MET: variants seen among roughly 807,000 people sequenced by gnomAD.
The protein encoded by MET is MET proto-oncogene, receptor tyrosine kinase, also known as hepatocyte growth factor receptor.
A neutral mutation model predicts 133.1 loss-of-function variants in MET; 48 were observed. The observed-to-expected ratio is 0.36, with a 90% confidence interval of 0.29 to 0.46. The LOEUF (loss-of-function observed/expected upper bound fraction) is 0.46. Among genes scored for constraint, MET ranks in the 20% least tolerant of loss-of-function variants. The pLI, the probability that MET is intolerant of heterozygous loss-of-function variation, is 1.00. For missense variants in MET, 1,442 were observed against 1,695.9 expected (o/e 0.85, Z 2.63); for synonymous variants, 628 against 616.5 (o/e 1.02, Z -0.28).
At chr7:116,724,418 T>C (rs1228138895) in intron 2 of MET, among the ~76,000 whole-genome samples, 2 of 152,182 alleles carry the variant, frequency 1.3e-5, no homozygotes, top group Non-Finnish European at 2.9e-5. Flanking sequence ...AATGCAGAAA[T>C]CACCCGTCTT....
intron 15 of MET, among the ~76,000 whole-genome samples, chr7:116,775,566 C>T (rs1466876676): frequency 1.3e-5 from 2 of 151,984 alleles, no homozygotes; most frequent in African/African-American, 2.4e-5. Context: ...ATTAGCCAGG[C>T]GTGGTGGCGG....
At chr7:116,678,735 G>GT (rs1796246903) in intron 1 of MET, among the ~76,000 whole-genome samples, 1 of 151,368 alleles carries the variant, frequency 6.6e-6, no homozygotes, top group Admixed American at 6.6e-5. Context: ...TGGGACCAGA[G>GT]TGTATCTAGA....
chr7:116,719,209 A>G (rs1792377180), intron 2 of MET, among the ~76,000 whole-genome samples: 1 of 142,232 alleles, frequency 7.0e-6, no homozygotes, highest in Non-Finnish European at 1.5e-5. Context: ...ATGGTATCTC[A>G]TTGTGGTTTT....
chr7:116,786,699 T>C (rs561185197), intron 19 of MET, among the ~76,000 whole-genome samples: 1 of 152,330 alleles, frequency 6.6e-6, no homozygotes, highest in East Asian at 1.9e-4. Context: ...AGGACTGTGA[T>C]GTCTGAAGAT....
chr7:116,774,734 G>T, intron 14 of MET, 147 bp from the exon 15 acceptor site: 1 of 660,084 alleles, frequency 1.5e-6, no homozygotes, highest in East Asian at 2.7e-5. Context: ...AACATCTAAT[G>T]AAATGCTTGT....
rs755804127 is a variant in MET, at chr7:116,699,615, G to A, written c.531G>A (p.Val177=). The A allele has an allele frequency of 1.9e-6, 3 of 1,613,870 alleles. No individual in the cohort carries two copies. Among genetic ancestry groups the A allele is most frequent in the African/African-American group, 2.7e-5 (2 of 74,892 alleles). ...CCAGCCAGTGTCCTGACTGTGTGGT[G>A]AGCGCCCTGGGAGCCAAAGTCCTTT... ...EEPSQCPDCV[V]SALGAKVLSS... is the part of the protein sequence containing the mutation. The change falls in exon 2 of 21, where the codon GTG becomes GTA. Residue 177 remains valine, a synonymous_variant. Coordinates refer to ENST00000397752, the MANE Select transcript of MET (RefSeq NM_000245.4).
chr7:116,763,266 A>G lies in MET; in HGVS notation c.2581A>G (p.Lys861Glu). The change falls in exon 11 of 21, where the codon AAG (lysine) becomes GAG (glutamate). Residue 861 changes from lysine (K) to glutamate (E), a missense_variant and splice_region_variant. Coordinates refer to ENST00000397752, the MANE Select transcript of MET (RefSeq NM_000245.4). Reference protein sequence around the residue: ...SMGNENVLEIKGNDIDPEAVK... With the variant: ...SMGNENVLEIEGNDIDPEAVK... ...GGGCAATGAAAATGTACTGGAAATT[A>G]AGGTAAGAAATGCTTTAAACACTGT... 6.2e-7 allele frequency: 1 copy of G among 1,613,150 alleles called. No individual in the cohort carries two copies. Among genetic ancestry groups the G allele is most frequent in the South Asian group, 1.1e-5 (1 of 91,034 alleles).
At chr7:116,706,993 A>G (rs1791822961) in intron 2 of MET, among the ~76,000 whole-genome samples, 1 of 151,278 alleles carries the variant, frequency 6.6e-6, no homozygotes, top group Admixed American at 6.6e-5. Context: ...AAAATGTTCC[A>G]GGCAGGTTCA....
At chr7:116,711,750 G>A (rs1792008552) in intron 2 of MET, among the ~76,000 whole-genome samples, 1 of 151,896 alleles carries the variant, frequency 6.6e-6, no homozygotes, top group Non-Finnish European at 1.5e-5. Flanking sequence ...AGTAATCTTT[G>A]TTAAGAGCAA....
chr7:116,750,787 A>C (rs1793886730), intron 5 of MET, among the ~76,000 whole-genome samples: 1 of 152,252 alleles, frequency 6.6e-6, no homozygotes, highest in Non-Finnish European at 1.5e-5. Flanking sequence ...TCTCAAAAGA[A>C]GACATTTAGG....
At chr7:116,758,041 C>G (rs1393412131) in intron 8 of MET, among the ~76,000 whole-genome samples, 1 of 152,026 alleles carries the variant, frequency 6.6e-6, no homozygotes, top group Non-Finnish European at 1.5e-5. Flanking sequence ...AGGATCTTAG[C>G]TATACTATGA....
intron 5 of MET, among the ~76,000 whole-genome samples, chr7:116,754,851 G>A (rs1213538795): frequency 2.8e-5 from 4 of 142,288 alleles, no homozygotes; most frequent in East Asian, 4.1e-4. Flanking sequence ...AAGAAAGGAA[G>A]GGAGGGAAAG....
At chr7:116,775,221 A>G in intron 15 of MET, 110 bp downstream of exon 15, 1 of 899,292 alleles carries the variant, frequency 1.1e-6, no homozygotes, top group Non-Finnish European at 1.8e-6. Context: ...CTGACAGAGC[A>G]GTGATAACAA....
chr7:116,699,774 G>A lies in MET; in HGVS notation c.690G>A (p.Thr230=), dbSNP rs200138253. ...CGAAAGATGGTTTTATGTTTTTGAC[G>A]GACCAGTCCTACATTGATGTTTTAC... The part of the protein sequence containing the change: ...KETKDGFMFL[T]DQSYIDVLPE... The change falls in exon 2 of 21, where the codon ACG becomes ACA. Residue 230 remains threonine (T), a synonymous_variant. Transcript: ENST00000397752. 6.1e-5 allele frequency: 99 copies of A among 1,614,012 alleles called. 2 individuals carry two copies. In the South Asian group the frequency reaches 7.8e-4, roughly 13 times the overall value.
Position 116,769,754 on chromosome 7 carries a change from A to G in MET, c.2693A>G (p.Asn898Ser), listed in dbSNP as rs766430458. 2.0e-5 allele frequency: 33 copies of G among 1,613,900 alleles called. No homozygotes were observed. The highest frequency in any genetic ancestry group is 6.6e-5 in the South Asian group (6 of 91,080). The change falls in exon 12 of 21, where the codon AAT becomes AGT. Residue 898 changes from asparagine to serine, a missense_variant. Coordinates refer to ENST00000397752, the MANE Select transcript of MET (RefSeq NM_000245.4). ...HSEAVLCTVPNDLLKLNSELN... is the reference protein window; with the variant it reads ...HSEAVLCTVPSDLLKLNSELN... ...GAAGCCGTTTTATGCACGGTCCCCA[A>G]TGACCTGCTGAAATTGAACAGCGAG... is the stretch of plus-strand genomic sequence containing the variant.
At position 116,737,391 on chromosome 7, in the gene MET, T is replaced by C. The variant is rs756828607; in HGVS notation, c.1393-2559T>C. On this transcript the variant is annotated intron_variant, in intron 3 of 20. Transcript: ENST00000397752. ...CTGGCGAGGCAAATATATTGTGAAA[T>C]TTGTTTTAGTACTTTTACTCACGAG... Among the ~76,000 whole-genome samples the C allele has an allele frequency of 2.0e-5, 3 of 152,182 alleles. 1 individual carries two copies. Among genetic ancestry groups the C allele is most frequent in the Non-Finnish European group, 4.4e-5 (3 of 68,032 alleles).
At chr7:116,693,263 A>G (rs545265895) in intron 1 of MET, among the ~76,000 whole-genome samples, 20 of 152,312 alleles carry the variant, frequency 1.3e-4, no homozygotes, top group Admixed American at 3.9e-4. Flanking sequence ...GCCATTAAAT[A>G]TTTAATAACC....
At chr7:116,787,762 A>ATTT (rs1387543965) in intron 19 of MET, among the ~76,000 whole-genome samples, 13 of 152,298 alleles carry the variant, frequency 8.5e-5, no homozygotes, top group Non-Finnish European at 2.9e-5. Flanking sequence ...ATATTACTCA[A>ATTT]TTTTTTTAAG....
chr7:116,757,436 G>C lies in MET; in HGVS notation c.1863-1G>C, dbSNP rs1397379383. On this transcript the variant is annotated splice_acceptor_variant, in intron 6 of 20. Transcript: ENST00000397752. LOFTEE classifies it high-confidence loss of function. Reference sequence around the variant, plus strand: ...TATTAAACTTTGGGTTTTTTTTCCAGATTGAAATGCACAGTTGGTCCTGCC... The same window carrying C: ...TATTAAACTTTGGGTTTTTTTTCCACATTGAAATGCACAGTTGGTCCTGCC... The C allele has an allele frequency of 6.2e-7, 1 of 1,612,476 alleles. No homozygotes were observed. Among genetic ancestry groups the C allele is most frequent in the Non-Finnish European group, 8.5e-7 (1 of 1,179,600 alleles).
Sources: allele counts gnomAD v4.1 joint callset (sites outside exome capture counted in the v4.1 genomes callset), GRCh38; gene constraint gnomAD v4.1.1; transcripts MANE v1.5; gene names NCBI Gene and HGNC (gene_info 2026-07-23, HGNC 2026-07-21).